SYT1: variants seen among roughly 807,000 people sequenced by gnomAD.
SYT1 encodes the protein synaptotagmin 1, also known as synaptotagmin-1.
SYT1 carries 8 observed loss-of-function variants against 44.8 expected under a neutral mutation model. That is an observed-to-expected ratio of 0.18 (90% CI 0.10 to 0.32). SYT1 has a LOEUF of 0.32. Ranked by LOEUF, SYT1 falls within the 10% of genes least tolerant of loss-of-function variation. SYT1 has a pLI of 1.00. For missense variants in SYT1, 286 were observed against 509.3 expected (o/e 0.56, Z 4.22); for synonymous variants, 154 against 188.8 (o/e 0.82, Z 1.51).
In SYT1 at chr12:78,879,583, T is replaced by C. The variant is rs545791004; in HGVS notation, c.-217+14474T>C. Among the ~76,000 whole-genome samples the C allele has an allele frequency of 1.8e-3, 271 of 151,944 alleles. 2 individuals carry two copies. The highest frequency in any genetic ancestry group is 6.4e-3 in the African/African-American group (265 of 41,514). On this transcript the variant is annotated intron_variant, in intron 1 of 10. Coordinates refer to ENST00000261205, the MANE Select transcript of SYT1 (RefSeq NM_005639.3). ...TTGTTATCTAGAAACCTGGGAGTTATACTTGTTTCATATGTCTCTCATTTT... is the reference window on the plus strand; with the variant it reads ...TTGTTATCTAGAAACCTGGGAGTTACACTTGTTTCATATGTCTCTCATTTT...
chr12:78,875,898 T>G (rs188044407), intron 1 of SYT1, among the ~76,000 whole-genome samples: 3 of 151,836 alleles, frequency 2.0e-5, no homozygotes, highest in Non-Finnish European at 3.0e-5. Flanking sequence ...CTCAGACACT[T>G]TCTACATATC....
At chr12:79,431,140 A>G (rs1014057531) in intron 9 of SYT1, among the ~76,000 whole-genome samples, 1 of 152,242 alleles carries the variant, frequency 6.6e-6, no homozygotes, top group Non-Finnish European at 1.5e-5. Flanking sequence ...TGGGGAAAAC[A>G]AGACAGTCCT....
intron 1 of SYT1, among the ~76,000 whole-genome samples, chr12:78,898,353 A>T (rs1875475532): frequency 6.6e-6 from 1 of 152,064 alleles, no homozygotes; most frequent in African/African-American, 2.4e-5. Context: ...TATTCTGTCA[A>T]TTTGAGGGGG....
At chr12:79,147,886 G>A (rs1392893905) in intron 3 of SYT1, among the ~76,000 whole-genome samples, 5 of 152,130 alleles carry the variant, frequency 3.3e-5, no homozygotes, top group African/African-American at 7.2e-5. Context: ...AAATAGTAAT[G>A]AATTTCAGCA....
chr12:79,117,703 ATATAT>A (rs1879371238), intron 3 of SYT1, among the ~76,000 whole-genome samples: 1 of 120,792 alleles, frequency 8.3e-6, no homozygotes, highest in Non-Finnish European at 1.7e-5. Flanking sequence ...ATATATATAT[ATATAT>A]ATATATAAAA....
At chr12:78,880,751 C>T (rs1874410722) in intron 1 of SYT1, among the ~76,000 whole-genome samples, 1 of 151,178 alleles carries the variant, frequency 6.6e-6, no homozygotes, top group African/African-American at 2.4e-5. Flanking sequence ...TTTTTGTAGA[C>T]TAAGTTATAA....
chr12:79,288,758 G>A (rs1879433232), intron 5 of SYT1, among the ~76,000 whole-genome samples: 1 of 152,178 alleles, frequency 6.6e-6, no homozygotes, highest in Non-Finnish European at 1.5e-5. Context: ...TCACTAATGT[G>A]TGTGGATATT....
intron 3 of SYT1, among the ~76,000 whole-genome samples, chr12:79,085,977 C>T (rs547863185): frequency 6.6e-6 from 1 of 152,044 alleles, no homozygotes; most frequent in South Asian, 2.1e-4. Context: ...ATAATATGAT[C>T]ACCAGGTTTG....
chr12:79,354,217 T>C (rs1433486587), intron 9 of SYT1, among the ~76,000 whole-genome samples: 2 of 152,218 alleles, frequency 1.3e-5, no homozygotes, highest in Non-Finnish European at 2.9e-5. Context: ...GGATAAAGTA[T>C]ACCCTGGCTC....
intron 1 of SYT1, chr12:78,926,582 T>C (rs1248946597): frequency 6.6e-6 from 1 of 151,854 alleles, no homozygotes; most frequent in Non-Finnish European, 1.5e-5. Context: ...ACATTTTATT[T>C]TTATCACATA....
chr12:79,000,843 C>T (rs1268744182), intron 2 of SYT1, among the ~76,000 whole-genome samples: 1 of 152,084 alleles, frequency 6.6e-6, no homozygotes, highest in Admixed American at 6.6e-5. Flanking sequence ...TACCTTTTAA[C>T]ATCAATATCT....
chr12:79,122,458 G>A (rs1868288913), intron 3 of SYT1, among the ~76,000 whole-genome samples: 1 of 124,860 alleles, frequency 8.0e-6, no homozygotes, highest in Non-Finnish European at 1.6e-5. Context: ...AGCTTGCAGT[G>A]AGCCGAGATC....
intron 3 of SYT1, among the ~76,000 whole-genome samples, chr12:79,100,408 A>G (rs894861190): frequency 1.3e-5 from 2 of 152,160 alleles, no homozygotes; most frequent in Non-Finnish European, 2.9e-5. Flanking sequence ...TCATAATAAT[A>G]GGAAATGCTT....
rs574085342 is a variant in SYT1 at position 78,897,210 on chromosome 12, A to G, written c.-217+32101A>G. On this transcript the variant is annotated intron_variant, in intron 1 of 10. Coordinates refer to ENST00000261205, the MANE Select transcript of SYT1 (RefSeq NM_005639.3). ...GTAGCTTTTATACATGTTTTATTAAAAATAACACTTAGAAAATATTCAGCC... is the reference window on the plus strand; with the variant it reads ...GTAGCTTTTATACATGTTTTATTAAGAATAACACTTAGAAAATATTCAGCC... Among the ~76,000 whole-genome samples the G allele has an allele frequency of 3.9e-5, 6 of 152,070 alleles. No homozygotes were observed. In the South Asian group the frequency reaches 8.3e-4, roughly 21 times the overall value.
At chr12:78,878,860 A>G (rs934252750) in intron 1 of SYT1, among the ~76,000 whole-genome samples, 3 of 151,676 alleles carry the variant, frequency 2.0e-5, no homozygotes, top group African/African-American at 7.3e-5. Flanking sequence ...AGTCATTCAA[A>G]AATCTAGACT....
chr12:79,022,082 G>A (rs1159811603), intron 2 of SYT1, among the ~76,000 whole-genome samples: 3 of 151,350 alleles, frequency 2.0e-5, no homozygotes, highest in Non-Finnish European at 4.4e-5. Context: ...AATTATGAGT[G>A]CCAATGAATT....
At chr12:79,249,740 C>A (rs1195878367) in intron 4 of SYT1, among the ~76,000 whole-genome samples, 1 of 152,100 alleles carries the variant, frequency 6.6e-6, no homozygotes, top group Admixed American at 6.5e-5. Flanking sequence ...ATCAATGAAC[C>A]AACAAGAGAA....
At chr12:78,998,163 C>T (rs17046181) in intron 2 of SYT1, among the ~76,000 whole-genome samples, 12,776 of 152,180 alleles carry the variant, frequency 0.084, 663 homozygotes, top group African/African-American at 0.14. Flanking sequence ...TTGCCTAGTG[C>T]TGTCCTTGAT....
At chr12:79,186,239 T>C (rs1395050885) in intron 3 of SYT1, among the ~76,000 whole-genome samples, 1 of 152,062 alleles carries the variant, frequency 6.6e-6, no homozygotes, top group Non-Finnish European at 1.5e-5. Flanking sequence ...ATTCCTCTTA[T>C]ATATTCTACC....
Sources: allele counts gnomAD v4.1 joint callset (sites outside exome capture counted in the v4.1 genomes callset), GRCh38; gene constraint gnomAD v4.1.1; transcripts MANE v1.5; gene names NCBI Gene and HGNC (gene_info 2026-07-23, HGNC 2026-07-21).